PKNOX2: variants seen among roughly 807,000 people sequenced by gnomAD.
PKNOX2 encodes the protein PBX/knotted 1 homeobox 2.
Under a neutral mutation model 53.1 loss-of-function variants are expected in PKNOX2, and 14 were observed. The observed-to-expected ratio is 0.26, with a 90% CI of 0.17 to 0.41. The LOEUF is 0.41. PKNOX2 is among the 10% of genes least tolerant of loss of function. The probability of loss-of-function intolerance (pLI) is 1.00; values close to 1 mark genes in which losing one functional copy is unlikely to be tolerated. For missense variants in PKNOX2, 496 were observed against 602.8 expected, an observed-to-expected ratio of 0.82 and a Z score of 1.85; for synonymous variants, 257 against 242.8, an observed-to-expected ratio of 1.06 and a Z score of -0.54.
At chr11:125,179,670 TGG>T (rs1227768902) in intron 1 of PKNOX2, among the ~76,000 whole-genome samples, 1 of 152,056 alleles carries the variant, frequency 6.6e-6, no homozygotes, top group Non-Finnish European at 1.5e-5. Context: ...GCTGCACCTG[TGG>T]GGAGAGGTGG....
At chr11:125,203,636 A>G (rs1426526496) in intron 1 of PKNOX2, among the ~76,000 whole-genome samples, 2 of 152,128 alleles carry the variant, frequency 1.3e-5, no homozygotes, top group Non-Finnish European at 2.9e-5. Flanking sequence ...ACAGTTTCAA[A>G]CCACAAACCC....
chr11:125,171,737 C>T (rs2135197438), intron 1 of PKNOX2, among the ~76,000 whole-genome samples: 1 of 152,360 alleles, frequency 6.6e-6, no homozygotes, highest in Non-Finnish European at 1.5e-5. Flanking sequence ...CGTCTTCAAC[C>T]AGCGTTGCAC....
At chr11:125,416,081 A>G (rs922452512) in intron 10 of PKNOX2, among the ~76,000 whole-genome samples, 4 of 151,948 alleles carry the variant, frequency 2.6e-5, no homozygotes, top group African/African-American at 7.3e-5. Context: ...AGGCGGGCGG[A>G]TCACGAGGTC....
At chr11:125,289,525 T>A (rs1200191189) in intron 2 of PKNOX2, among the ~76,000 whole-genome samples, 1 of 152,228 alleles carries the variant, frequency 6.6e-6, no homozygotes, top group Non-Finnish European at 1.5e-5. Flanking sequence ...GGTCATTTTC[T>A]TATTCTTCCC....
intron 2 of PKNOX2, among the ~76,000 whole-genome samples, chr11:125,257,917 A>T (rs1046347577): frequency 6.6e-6 from 1 of 152,182 alleles, no homozygotes; most frequent in Non-Finnish European, 1.5e-5. Context: ...AGCCTTAGTG[A>T]CTGTTAACGG....
Position 125,265,002 on chromosome 11 carries a change from C to T in PKNOX2, c.-130+29887C>T, listed in dbSNP as rs1945198747. 4.6e-5 allele frequency among the ~76,000 whole-genome samples: 7 copies of T among 152,186 alleles called. No homozygotes were observed. In the South Asian group the frequency reaches 1.2e-3, roughly 27 times the overall value. On this transcript the variant is annotated intron_variant, in intron 2 of 12. Transcript: ENST00000298282. The stretch of plus-strand genomic sequence containing the variant: ...ACCTTGTCTTAAAACAGTTACAGGG[C>T]TTATGGCCGGGCATGGTGGCTCAAG...
At chr11:125,369,002 A>G (rs1323354247) in intron 5 of PKNOX2, among the ~76,000 whole-genome samples, 2 of 152,212 alleles carry the variant, frequency 1.3e-5, no homozygotes, top group East Asian at 1.9e-4. Flanking sequence ...TGCCAGTAAC[A>G]TGTGGAATGA....
intron 1 of PKNOX2, chr11:125,191,079 T>A (rs1419726240): frequency 1.3e-5 from 2 of 152,226 alleles, no homozygotes; most frequent in Non-Finnish European, 2.9e-5. Context: ...ATAAATACTT[T>A]CCAGAAATTC....
chr11:125,313,047 G>A (rs766049235), intron 2 of PKNOX2, among the ~76,000 whole-genome samples: 2 of 152,206 alleles, frequency 1.3e-5, no homozygotes, highest in African/African-American at 4.8e-5. Flanking sequence ...GCCTTCCACC[G>A]AGGGCAACAG....
At chr11:125,412,960 C>T (rs1591563471) in intron 10 of PKNOX2, among the ~76,000 whole-genome samples, 2 of 152,306 alleles carry the variant, frequency 1.3e-5, no homozygotes, top group East Asian at 3.9e-4. Context: ...CAGCAGAAGA[C>T]TGACTGGGTC....
chr11:125,339,135 C>T (rs1950559649), intron 3 of PKNOX2, among the ~76,000 whole-genome samples: 1 of 152,098 alleles, frequency 6.6e-6, no homozygotes, highest in African/African-American at 2.4e-5. Flanking sequence ...TTGAAGGGGA[C>T]GGGACCTGGC....
chr11:125,316,690 T>C (rs1949216132), intron 2 of PKNOX2, among the ~76,000 whole-genome samples: 1 of 152,246 alleles, frequency 6.6e-6, no homozygotes, highest in Non-Finnish European at 1.5e-5. Flanking sequence ...TAAAAATACT[T>C]TATTGCTTAA....
chr11:125,412,034 G>A (rs1955587898), intron 10 of PKNOX2, among the ~76,000 whole-genome samples, 169 bp downstream of exon 10: 1 of 152,210 alleles, frequency 6.6e-6, no homozygotes, highest in Non-Finnish European at 1.5e-5. Flanking sequence ...GGGGGCTCAG[G>A]TGGGGCCTAA....
chr11:125,315,303 GAAAAAAAAAAAAAAA>G lies in PKNOX2; in HGVS notation c.-129-16505_-129-16491del, dbSNP rs534448203. Reference sequence around the variant, plus strand: ...ATTCACTTTACTGTTTGTGAAGCAGGAAAAAAAAAAAAAAAAAAAAAAAAACACCTCTCTCTGCAT... The same window carrying G: ...ATTCACTTTACTGTTTGTGAAGCAGGAAAAAAAAAACACCTCTCTCTGCAT... On this transcript the variant is annotated intron_variant, in intron 2 of 12. Transcript: ENST00000298282. 2.0e-4 allele frequency among the ~76,000 whole-genome samples: 16 copies of G among 79,442 alleles called. 1 individual carries two copies. The East Asian group carries it at 5.9e-3, about 29-fold the overall frequency. 52.1% of individuals were successfully genotyped at this position (79,442 alleles called of 152,430 possible).
rs757666734 is a variant in PKNOX2 at position 125,420,064 on chromosome 11, G to A, written c.936+8199G>A. 1.1e-4 allele frequency among the ~76,000 whole-genome samples: 17 copies of A among 151,196 alleles called. 1 individual carries two copies. Among genetic ancestry groups the A allele is most frequent in the African/African-American group, 1.7e-4 (7 of 40,814 alleles). ...TAGCCAGGCATGGTGGTGGGCACCT[G>A]TAGTCCCAGCTATTTGTGGGCCTGA... is the stretch of plus-strand genomic sequence containing the variant. On this transcript the variant is annotated intron_variant, in intron 10 of 12. Coordinates refer to ENST00000298282, the MANE Select transcript of PKNOX2 (RefSeq NM_001382323.2).
chr11:125,426,025 T>C (rs1189111289), intron 10 of PKNOX2, among the ~76,000 whole-genome samples: 1 of 152,250 alleles, frequency 6.6e-6, no homozygotes, highest in Non-Finnish European at 1.5e-5. Flanking sequence ...GCATTGCTTC[T>C]CATAGCTCCC....
chr11:125,180,662 T>C (rs998977311), intron 1 of PKNOX2, among the ~76,000 whole-genome samples: 2 of 152,188 alleles, frequency 1.3e-5, no homozygotes, highest in Non-Finnish European at 2.9e-5. Flanking sequence ...TTGGCTTTTT[T>C]TGCATGACAC....
intron 2 of PKNOX2, among the ~76,000 whole-genome samples, chr11:125,283,394 C>A (rs1237585515): frequency 1.3e-5 from 2 of 152,178 alleles, no homozygotes; most frequent in African/African-American, 4.8e-5. Context: ...TACCTGAGAC[C>A]TTCTCTGGAG....
At chr11:125,330,351 A>G (rs4935918) in intron 2 of PKNOX2, 69,376 of 151,990 alleles carry the variant, frequency 0.46, 18,289 homozygotes, top group African/African-American at 0.74. Context: ...GCCTGGTGCC[A>G]GGAACAAGCT....
Sources: gnomAD v4.1 joint callset for allele counts (sites outside exome capture counted in the v4.1 genomes callset) on GRCh38, gnomAD v4.1.1 for gene constraint, MANE v1.5 for transcripts, NCBI Gene and HGNC (gene_info 2026-07-23, HGNC 2026-07-21) for gene names.